Variants in TTC29 observed in about 807,000 individuals in gnomAD.
TTC29 encodes the protein tetratricopeptide repeat domain 29.
A neutral mutation model predicts 58.1 loss-of-function variants in TTC29; 49 were observed. The ratio of observed to expected loss-of-function variants is 0.84; its 90% CI spans 0.67 to 1.07. TTC29 has a LOEUF of 1.07. Ranked by LOEUF, TTC29 falls within the 50% of genes least tolerant of loss-of-function variation. The pLI, the probability that TTC29 is intolerant of heterozygous loss-of-function variation, is 0.00. For synonymous variants in TTC29, 209 were observed against 196.8 expected, an observed-to-expected ratio of 1.06 and a Z score of -0.52; for missense variants, 582 against 555.6, an observed-to-expected ratio of 1.05 and a Z score of -0.48.
chr4:146,770,119 G>GA (rs1007558712), intron 11 of TTC29, among the ~76,000 whole-genome samples: 3 of 149,922 alleles, frequency 2.0e-5, no homozygotes, highest in South Asian at 2.1e-4. Context: ...GGGAACTTTA[G>GA]AAAAAAAAAA....
chr4:146,933,072 G>C (rs1019175468), intron 4 of TTC29, among the ~76,000 whole-genome samples: 4 of 142,328 alleles, frequency 2.8e-5, no homozygotes, highest in Non-Finnish European at 6.1e-5. Flanking sequence ...AAAAAAAAAA[G>C]ATATGAAGTA....
At chr4:146,891,348 T>TG (rs540698805) in intron 6 of TTC29, among the ~76,000 whole-genome samples, 112 of 152,294 alleles carry the variant, frequency 7.4e-4, no homozygotes, top group African/African-American at 2.5e-3. Flanking sequence ...GCTTTCTAGG[T>TG]GGGGGAGAAA....
chr4:146,819,145 A>T (rs1751646262), intron 10 of TTC29, among the ~76,000 whole-genome samples: 1 of 151,298 alleles, frequency 6.6e-6, no homozygotes, highest in Admixed American at 6.6e-5. Context: ...ATAAAAAAAT[A>T]AAAAAATAAA....
chr4:146,740,125 T>C (rs1745013966), intron 11 of TTC29, among the ~76,000 whole-genome samples: 1 of 152,184 alleles, frequency 6.6e-6, no homozygotes, highest in African/African-American at 2.4e-5. Flanking sequence ...GGGACCTCTC[T>C]AGCCTATTAA....
At chr4:146,747,634 A>T (rs1182368527) in intron 11 of TTC29, among the ~76,000 whole-genome samples, 1 of 152,074 alleles carries the variant, frequency 6.6e-6, no homozygotes, top group Admixed American at 6.5e-5. Context: ...TGTGCCCCCA[A>T]TCCTATAGCT....
In TTC29 at chr4:146,783,837, T is replaced by A. The variant is rs1184159472; in HGVS notation, c.1330+19620A>T. ...AGGATAGACTGACTAATTTAACAAA[T>A]GTTATGTTAATTATTCTTTGAAGAT... On this transcript the variant is annotated intron_variant, in intron 11 of 12. Coordinates refer to ENST00000325106, the MANE Select transcript of TTC29 (RefSeq NM_031956.4). Among the ~76,000 whole-genome samples, 3 of 152,082 alleles carry A rather than the reference T, an allele frequency of 2.0e-5. No homozygotes were observed. The South Asian group carries it at 6.2e-4, about 31-fold the overall frequency.
chr4:146,877,715 C>T lies in TTC29; in HGVS notation c.587-2787G>A, dbSNP rs112169400. Among the ~76,000 whole-genome samples, 1,016 of 152,236 alleles carry T rather than the reference C, an allele frequency of 6.7e-3. 2 individuals carry two copies. Among genetic ancestry groups the T allele is most frequent in the South Asian group, 0.027 (130 of 4,820 alleles). On this transcript the variant is annotated intron_variant, in intron 6 of 12. Coordinates refer to ENST00000325106, the MANE Select transcript of TTC29 (RefSeq NM_031956.4). ...CTAGCGTCCATCTATTCATAAAGTACAGACACATATTTCTTTTTGGCCATG... is the reference window on the plus strand; with the variant it reads ...CTAGCGTCCATCTATTCATAAAGTATAGACACATATTTCTTTTTGGCCATG...
At chr4:146,750,995 A>G (rs1745942895) in intron 11 of TTC29, among the ~76,000 whole-genome samples, 1 of 152,230 alleles carries the variant, frequency 6.6e-6, no homozygotes, top group African/African-American at 2.4e-5. Flanking sequence ...TTAAAGACAC[A>G]TGTAGGCTGA....
At chr4:146,840,394 A>T (rs754777909) in intron 8 of TTC29, among the ~76,000 whole-genome samples, 1 of 151,780 alleles carries the variant, frequency 6.6e-6, no homozygotes, top group Non-Finnish European at 1.5e-5. Context: ...TATGCAAAGA[A>T]CTCTTCCAGT....
chr4:146,792,707 T>C (rs1480895894), intron 11 of TTC29, among the ~76,000 whole-genome samples: 1 of 152,222 alleles, frequency 6.6e-6, no homozygotes, highest in Non-Finnish European at 1.5e-5. Context: ...TTAAGAAATA[T>C]TTTGTAAGGC....
chr4:146,861,758 C>T (rs966299884), intron 8 of TTC29, among the ~76,000 whole-genome samples: 1 of 151,474 alleles, frequency 6.6e-6, no homozygotes, highest in African/African-American at 2.4e-5. Flanking sequence ...TGGGAATATT[C>T]ACTTGTGTTT....
intron 11 of TTC29, among the ~76,000 whole-genome samples, chr4:146,789,438 C>T (rs1307297492): frequency 6.6e-6 from 1 of 152,160 alleles, no homozygotes. Flanking sequence ...ACACCACCTA[C>T]CCCTCATCAT....
chr4:146,840,760 A>C (rs1180509606), intron 8 of TTC29, among the ~76,000 whole-genome samples: 1 of 152,196 alleles, frequency 6.6e-6, no homozygotes, highest in Non-Finnish European at 1.5e-5. Flanking sequence ...GAGAAGCTTC[A>C]TATAAGAACT....
At chr4:146,927,246 C>A (rs977796582) in intron 4 of TTC29, among the ~76,000 whole-genome samples, 14 of 151,892 alleles carry the variant, frequency 9.2e-5, no homozygotes, top group African/African-American at 2.4e-4. Flanking sequence ...GGAAACAGGT[C>A]CTATTATCAT....
chr4:146,748,434 C>G (rs1039964538), intron 11 of TTC29, among the ~76,000 whole-genome samples: 1 of 152,170 alleles, frequency 6.6e-6, no homozygotes, highest in Non-Finnish European at 1.5e-5. Flanking sequence ...AACACCTGTA[C>G]CCTGGAACCC....
intron 11 of TTC29, among the ~76,000 whole-genome samples, chr4:146,768,332 T>C (rs1453997859): frequency 2.0e-5 from 3 of 151,968 alleles, no homozygotes; most frequent in Non-Finnish European, 2.9e-5. Flanking sequence ...ATCAGCTAAA[T>C]TAACTCCAAC....
At chr4:146,844,859 CTT>C (rs1260642128) in intron 8 of TTC29, among the ~76,000 whole-genome samples, 1 of 152,180 alleles carries the variant, frequency 6.6e-6, no homozygotes, top group African/African-American at 2.4e-5. Flanking sequence ...ATCATGTCCT[CTT>C]AGAGAGTTCA....
chr4:146,880,424 C>T (rs7656760), intron 6 of TTC29, among the ~76,000 whole-genome samples: 9,360 of 152,082 alleles, frequency 0.062, 958 homozygotes, highest in African/African-American at 0.21. Context: ...GAAATCTATC[C>T]GTTTATTTAA....
At chr4:146,742,269 T>G (rs991553379) in intron 11 of TTC29, among the ~76,000 whole-genome samples, 6 of 152,118 alleles carry the variant, frequency 3.9e-5, no homozygotes, top group African/African-American at 1.4e-4. Flanking sequence ...TATGAGCAGG[T>G]GCACACTTCG....
Sources: gnomAD v4.1 joint callset for allele counts (sites outside exome capture counted in the v4.1 genomes callset) on GRCh38, gnomAD v4.1.1 for gene constraint, MANE v1.5 for transcripts, NCBI Gene and HGNC (gene_info 2026-07-23, HGNC 2026-07-21) for gene names.